The following PAM variants were observed in gnomAD, a reference collection of about 807,000 sequenced individuals.
The protein encoded by PAM is peptidylglycine alpha-amidating monooxygenase.
A neutral mutation model predicts 122.1 loss-of-function variants in PAM; 72 were observed. The ratio of observed to expected loss-of-function variants is 0.59; its 90% CI spans 0.49 to 0.72. The LOEUF (loss-of-function observed/expected upper bound fraction) is 0.72. PAM is among the 30% of genes least tolerant of loss of function. PAM has a pLI of 0.00. For synonymous variants in PAM, 389 were observed against 404.4 expected, an observed-to-expected ratio of 0.96 and a Z score of 0.46; for missense variants, 1,106 against 1,183.7, an observed-to-expected ratio of 0.93 and a Z score of 0.96.
chr5:102,885,623 G>A (rs1378639197), intron 3 of PAM, among the ~76,000 whole-genome samples: 2 of 151,958 alleles, frequency 1.3e-5, no homozygotes, highest in African/African-American at 4.8e-5. Context: ...ACCACTCCAT[G>A]ATACAAAATG....
chr5:102,898,499 C>T (rs920436568), intron 3 of PAM, among the ~76,000 whole-genome samples: 2 of 151,658 alleles, frequency 1.3e-5, no homozygotes, highest in Non-Finnish European at 3.0e-5. Context: ...GTCTTTATCT[C>T]TTCAGAATGT....
At chr5:102,943,099 TG>T (rs1755832094) in intron 7 of PAM, among the ~76,000 whole-genome samples, 1 of 152,104 alleles carries the variant, frequency 6.6e-6, no homozygotes, top group Non-Finnish European at 1.5e-5. Flanking sequence ...TCCCAATTAG[TG>T]GGACGTAGTT....
At chr5:102,832,045 G>A (rs765459599) in intron 1 of PAM, among the ~76,000 whole-genome samples, 6 of 152,080 alleles carry the variant, frequency 3.9e-5, no homozygotes, top group African/African-American at 9.6e-5. Context: ...TCTCAGAGCC[G>A]TTCCCTTCAT....
chr5:102,860,545 G>A (rs115293091), intron 1 of PAM, among the ~76,000 whole-genome samples: 5 of 152,116 alleles, frequency 3.3e-5, no homozygotes, highest in African/African-American at 1.2e-4. Context: ...AATTAGCCAG[G>A]TGTAGTGGTG....
chr5:102,829,747 T>C (rs1358925411), intron 1 of PAM, among the ~76,000 whole-genome samples: 2 of 152,218 alleles, frequency 1.3e-5, no homozygotes, highest in African/African-American at 2.4e-5. Flanking sequence ...TTATCTACTT[T>C]ATACAAATTG....
chr5:102,987,248 CAT>C (rs1258155934), intron 15 of PAM, among the ~76,000 whole-genome samples: 3 of 152,210 alleles, frequency 2.0e-5, no homozygotes, highest in Non-Finnish European at 4.4e-5. Flanking sequence ...TTTGCAGCAA[CAT>C]GTGTGAAACT....
intron 1 of PAM, among the ~76,000 whole-genome samples, chr5:102,787,902 G>C (rs1411569074): frequency 6.6e-6 from 1 of 152,010 alleles, no homozygotes; most frequent in Non-Finnish European, 1.5e-5. Context: ...ATTCATGTAT[G>C]GTAGATATTT....
chr5:103,030,552 C>G (rs1786108714), downstream of PAM: 1 of 152,132 alleles, frequency 6.6e-6, no homozygotes, highest in Non-Finnish European at 1.5e-5. Flanking sequence ...CAATCCTGTC[C>G]TAGCACTCCA....
At chr5:103,001,221 G>T (rs1333314992) in intron 16 of PAM, among the ~76,000 whole-genome samples, 1 of 152,054 alleles carries the variant, frequency 6.6e-6, no homozygotes, top group South Asian at 2.1e-4. Context: ...TAGTTATGAT[G>T]TTTTTAGTAA....
chr5:102,992,426 G>C (rs955611051), intron 16 of PAM, among the ~76,000 whole-genome samples: 3 of 151,948 alleles, frequency 2.0e-5, no homozygotes, highest in Non-Finnish European at 4.4e-5. Context: ...TGGTTGTAAA[G>C]AAATTCTTTT....
intron 24 of PAM, among the ~76,000 whole-genome samples, chr5:103,025,734 T>G (rs1473831619): frequency 6.6e-6 from 1 of 152,106 alleles, no homozygotes; most frequent in Non-Finnish European, 1.5e-5. Context: ...TCAGGTTGTG[T>G]TTTTCTCCCA....
chr5:102,767,082 T>C (rs901847723), intron 1 of PAM, among the ~76,000 whole-genome samples: 107 of 151,682 alleles, frequency 7.1e-4, no homozygotes, highest in African/African-American at 2.5e-3. Context: ...TGAAACAGAT[T>C]GACCTCCCTC....
chr5:102,817,990 C>A (rs1770459842), intron 1 of PAM, among the ~76,000 whole-genome samples: 1 of 137,070 alleles, frequency 7.3e-6, no homozygotes. Context: ...TTTGTAAAAC[C>A]TTTACCGAAA....
chr5:102,996,669 C>A (rs1775798215), intron 16 of PAM, among the ~76,000 whole-genome samples: 1 of 152,140 alleles, frequency 6.6e-6, no homozygotes. Context: ...GACTGGTCAA[C>A]CAATCATCTG....
At chr5:102,981,087 T>G (rs879824400) in intron 15 of PAM, among the ~76,000 whole-genome samples, 14 of 152,192 alleles carry the variant, frequency 9.2e-5, no homozygotes, top group Non-Finnish European at 1.5e-4. Flanking sequence ...TTTTTGTAAT[T>G]GGTGAAGATA....
intron 20 of PAM, among the ~76,000 whole-genome samples, chr5:103,008,485 A>T (rs1198451811): frequency 6.6e-6 from 1 of 152,156 alleles, no homozygotes; most frequent in African/African-American, 2.4e-5. Context: ...ATCAATAACG[A>T]GGAATTTTTG....
chr5:102,928,059 C>T (rs1039069293), intron 7 of PAM, among the ~76,000 whole-genome samples: 1 of 152,128 alleles, frequency 6.6e-6, no homozygotes, highest in Admixed American at 6.5e-5. Context: ...CTGCTGACTT[C>T]CAAAGTATTG....
chr5:103,022,910 G>A (rs957472013), intron 23 of PAM, among the ~76,000 whole-genome samples: 1 of 152,142 alleles, frequency 6.6e-6, no homozygotes, highest in African/African-American at 2.4e-5. Flanking sequence ...CTCTTGTGAA[G>A]AGTAGCAATA....
intron 1 of PAM, among the ~76,000 whole-genome samples, chr5:102,770,936 TTTGA>T (rs1010122592): frequency 4.6e-5 from 7 of 152,108 alleles, no homozygotes; most frequent in Non-Finnish European, 8.8e-5. Context: ...GAAAAATAGC[TTTGA>T]TTGTGTCTCT....
Sources: gnomAD v4.1 joint callset for allele counts (sites outside exome capture counted in the v4.1 genomes callset) on GRCh38, gnomAD v4.1.1 for gene constraint, MANE v1.5 for transcripts, NCBI Gene and HGNC (gene_info 2026-07-23, HGNC 2026-07-21) for gene names.